Variants in SH3KBP1 observed in about 807,000 individuals in gnomAD.
SH3KBP1 encodes the protein SH3 domain containing kinase binding protein 1.
SH3KBP1 carries 8 observed loss-of-function variants against 50.1 expected under a neutral mutation model. The ratio of observed to expected loss-of-function variants is 0.16; its 90% CI spans 0.09 to 0.29. The LOEUF (loss-of-function observed/expected upper bound fraction) is 0.29, where lower values mean the gene tolerates loss of function less well. Among genes scored for constraint, SH3KBP1 ranks in the 10% least tolerant of loss-of-function variants. The probability of loss-of-function intolerance (pLI) is 1.00; values close to 1 mark genes in which losing one functional copy is unlikely to be tolerated. For missense variants in SH3KBP1, 377 were observed against 535.2 expected (o/e 0.70, Z 2.92); for synonymous variants, 227 against 218.6 (o/e 1.04, Z -0.34).
At chrX:19,796,203 A>T in intron 2 of SH3KBP1, among the ~76,000 whole-genome samples, 1 of 111,974 alleles carries the variant, frequency 8.9e-6, no homozygotes. Context: ...CCTGGGAGAC[A>T]CTGAGTACAT....
intron 1 of SH3KBP1, among the ~76,000 whole-genome samples, chrX:19,856,949 G>GT (rs1275149618): frequency 5.3e-5 from 2 of 37,962 alleles, no homozygotes; most frequent in East Asian, 1.0e-3. Context: ...GCTAATACTA[G>GT]TCTTTTTTTT....
At chrX:19,596,434 G>T (rs2066907744) in intron 9 of SH3KBP1, among the ~76,000 whole-genome samples, 1 of 111,977 alleles carries the variant, frequency 8.9e-6, no homozygotes, top group African/African-American at 3.2e-5. Context: ...GCTGGGGGAG[G>T]GTCTTGCCTC....
chrX:19,805,222 T>G (rs2067009307), intron 2 of SH3KBP1, among the ~76,000 whole-genome samples: 1 of 110,587 alleles, frequency 9.0e-6, no homozygotes, highest in Non-Finnish European at 1.9e-5. Context: ...ATTGTTCCAT[T>G]TGTGCTGGCA....
At chrX:19,757,593 CCAGA>C (rs1442161800) in intron 2 of SH3KBP1, among the ~76,000 whole-genome samples, 3 of 107,854 alleles carry the variant, frequency 2.8e-5, no homozygotes, top group East Asian at 5.8e-4. Context: ...ATTCACCGAG[CCAGA>C]CAAAGACATG....
intron 11 of SH3KBP1, among the ~76,000 whole-genome samples, chrX:19,589,262 C>G (rs184025290): frequency 2.7e-5 from 3 of 112,461 alleles, no homozygotes; most frequent in African/African-American, 9.7e-5. Flanking sequence ...GGGCCCAAGT[C>G]TGGTCATCTC....
chrX:19,611,299 G>A (rs2067403630), intron 8 of SH3KBP1, among the ~76,000 whole-genome samples: 1 of 112,159 alleles, frequency 8.9e-6, no homozygotes, highest in Non-Finnish European at 1.9e-5. Flanking sequence ...ATGTTAATGA[G>A]CAAAAGCCCA....
chrX:19,681,093 C>T (rs1406566539), intron 6 of SH3KBP1, among the ~76,000 whole-genome samples: 1 of 111,436 alleles, frequency 9.0e-6, no homozygotes, highest in Non-Finnish European at 1.9e-5. Context: ...GTTGAGCATC[C>T]CTAATCCAAA....
intron 16 of SH3KBP1, 134 bp downstream of exon 16, chrX:19,541,791 C>G (rs1199011742): frequency 2.9e-6 from 2 of 697,908 alleles, no homozygotes; most frequent in South Asian, 2.7e-5. Context: ...CGCACTCCCA[C>G]CATTGCTGCC....
chrX:19,596,767 G>C (rs1004407284), intron 9 of SH3KBP1, among the ~76,000 whole-genome samples: 1 of 111,855 alleles, frequency 8.9e-6, no homozygotes, highest in Non-Finnish European at 1.9e-5. Flanking sequence ...CACTGTCTTC[G>C]CTCATCCATA....
chrX:19,650,475 C>A (rs773077699), intron 6 of SH3KBP1, among the ~76,000 whole-genome samples: 2 of 111,763 alleles, frequency 1.8e-5, no homozygotes, highest in Non-Finnish European at 3.8e-5. Flanking sequence ...CTCACTATCA[C>A]GAGAACAGCA....
chrX:19,653,763 TACACACACACACACACACACACACAC>T (rs60424271), intron 6 of SH3KBP1, among the ~76,000 whole-genome samples: 8 of 80,262 alleles, frequency 1.0e-4, no homozygotes, highest in Non-Finnish European at 1.8e-4. Context: ...TATGTCTAAA[TACACACACACACACACACACACACAC>T]ACACACACAC....
intron 6 of SH3KBP1, among the ~76,000 whole-genome samples, chrX:19,664,015 G>T (rs961034060): frequency 3.6e-5 from 4 of 111,968 alleles, no homozygotes; most frequent in African/African-American, 1.3e-4. Context: ...CTTAAGCCTG[G>T]GAGGTCGAGG....
In SH3KBP1 at chrX:19,653,530, G is replaced by A. The variant is rs753407046; in HGVS notation, c.727-8055C>T. ...GGTCGAGACTGGCCTGACCAACATGGTGAAACCCCGTCTCTACTAAAAATA... is the reference window on the plus strand; with the variant it reads ...GGTCGAGACTGGCCTGACCAACATGATGAAACCCCGTCTCTACTAAAAATA... On this transcript the variant is annotated intron_variant, in intron 6 of 17. Transcript: ENST00000397821. Among the ~76,000 whole-genome samples the A allele has an allele frequency of 1.5e-4, 16 of 109,610 alleles. No individual in the cohort carries two copies. In the East Asian group the frequency reaches 3.8e-3, roughly 26 times the overall value.
intron 4 of SH3KBP1, among the ~76,000 whole-genome samples, chrX:19,699,759 C>T (rs916180243): frequency 8.9e-6 from 1 of 111,919 alleles, no homozygotes; most frequent in Non-Finnish European, 1.9e-5. Context: ...GGGCAAACAC[C>T]TGGGTGAACT....
chrX:19,718,139 TACACACACAC>T (rs35514461), intron 3 of SH3KBP1, among the ~76,000 whole-genome samples: 29 of 91,086 alleles, frequency 3.2e-4, no homozygotes, highest in African/African-American at 6.4e-4. Flanking sequence ...ATTTTATAAA[TACACACACAC>T]ACACACACAC....
chrX:19,816,265 G>A (rs1353377171), intron 2 of SH3KBP1, among the ~76,000 whole-genome samples: 1 of 112,127 alleles, frequency 8.9e-6, no homozygotes, highest in Non-Finnish European at 1.9e-5. Context: ...AATGACTAAT[G>A]ATGTTGGACA....
chrX:19,840,668 T>C (rs2068193650), intron 1 of SH3KBP1, among the ~76,000 whole-genome samples: 1 of 112,410 alleles, frequency 8.9e-6, no homozygotes, highest in African/African-American at 3.2e-5. Flanking sequence ...TGCAGGTAAC[T>C]GCAGGAAGGA....
chrX:19,648,197 G>A, intron 6 of SH3KBP1: 1 of 308,695 alleles, frequency 3.2e-6, no homozygotes, highest in South Asian at 3.5e-5. Flanking sequence ...CAACATTGCT[G>A]AGGGAAACAT....
Position 19,542,005 on chromosome X carries a change from G to A in SH3KBP1, c.1812C>T (p.Ser604=), listed in dbSNP as rs778177203. The part of the protein sequence containing the change: ...EGKPKMEPAA[S]SQAAVEELRT... ...TTAGCTCCTCCACGGCCGCCTGGCT[G>A]CTGGCCGCAGGCTCCATCTTTGGTT... Residue 604 remains serine (S), a synonymous_variant, in exon 16 of 18, where the codon AGC becomes AGT. Transcript: ENST00000397821. 1.5e-5 allele frequency: 18 copies of A among 1,211,846 alleles called. No individual in the cohort carries two copies. Among genetic ancestry groups the A allele is most frequent in the Non-Finnish European group, 1.9e-5 (17 of 895,502 alleles).
Sources: gnomAD v4.1 joint callset for allele counts (sites outside exome capture counted in the v4.1 genomes callset) on GRCh38, gnomAD v4.1.1 for gene constraint, MANE v1.5 for transcripts, NCBI Gene and HGNC (gene_info 2026-07-23, HGNC 2026-07-21) for gene names.